SIDT1: variants seen among roughly 807,000 people sequenced by gnomAD.
SIDT1 encodes SID1 transmembrane family, member 1.
In SIDT1, 101 loss-of-function variants were observed where a neutral mutation model predicts 107.5. The ratio of observed to expected loss-of-function variants is 0.94; its 90% CI spans 0.80 to 1.11. The LOEUF (loss-of-function observed/expected upper bound fraction) is 1.11, where lower values mean the gene tolerates loss of function less well. SIDT1 is among the 50% of genes least tolerant of loss of function. The pLI is 0.00. For synonymous variants in SIDT1, 395 were observed against 398.2 expected (o/e 0.99, Z 0.10); for missense variants, 1,076 against 1,058.2 (o/e 1.02, Z -0.23).
chr3:113,568,008 T>C (rs944010524), intron 3 of SIDT1: 3 of 271,374 alleles, frequency 1.1e-5, no homozygotes, highest in Middle Eastern at 1.1e-3. Flanking sequence ...CTAAATACTT[T>C]TGTATTCCCA....
chr3:113,583,953 A>T (rs150927255), intron 7 of SIDT1, among the ~76,000 whole-genome samples: 1 of 152,194 alleles, frequency 6.6e-6, no homozygotes, highest in Non-Finnish European at 1.5e-5. Context: ...CCAAAATTAT[A>T]CCTTGAAAAA....
intron 3 of SIDT1, among the ~76,000 whole-genome samples, chr3:113,572,255 A>G (rs1467350498): frequency 1.3e-5 from 2 of 152,204 alleles, no homozygotes; most frequent in African/African-American, 4.8e-5. Context: ...TGAAATACAG[A>G]TATCTGGCAA....
chr3:113,539,211 T>C (rs1244782340), intron 1 of SIDT1, among the ~76,000 whole-genome samples: 1 of 152,246 alleles, frequency 6.6e-6, no homozygotes, highest in East Asian at 1.9e-4. Flanking sequence ...CTTAGCATAA[T>C]CATGAGCTTA....
chr3:113,620,192 A>ATATG (rs111631190), intron 21 of SIDT1, among the ~76,000 whole-genome samples: 5 of 144,554 alleles, frequency 3.5e-5, no homozygotes, highest in Admixed American at 2.8e-4. Context: ...CTTTTACTAA[A>ATATG]TGTGTGTGTG....
At chr3:113,551,645 T>C (rs1940246456) in intron 1 of SIDT1, among the ~76,000 whole-genome samples, 1 of 152,232 alleles carries the variant, frequency 6.6e-6, no homozygotes, top group Admixed American at 6.5e-5. Context: ...TTTTTTATTA[T>C]CGTTTTCCCC....
chr3:113,534,124 C>T (rs2107544798), intron 1 of SIDT1, among the ~76,000 whole-genome samples: 1 of 152,238 alleles, frequency 6.6e-6, no homozygotes, highest in Admixed American at 6.5e-5. Flanking sequence ...AGAGACTCCC[C>T]AGTGTACCAA....
intron 5 of SIDT1, among the ~76,000 whole-genome samples, chr3:113,580,993 G>C (rs1943285978): frequency 6.6e-6 from 1 of 152,198 alleles, no homozygotes; most frequent in Admixed American, 6.5e-5. Flanking sequence ...GGAAGACCAA[G>C]TTGTGGGCTC....
At chr3:113,559,623 A>T (rs956664464) in intron 1 of SIDT1, among the ~76,000 whole-genome samples, 50 of 151,786 alleles carry the variant, frequency 3.3e-4, no homozygotes, top group African/African-American at 1.2e-3. Flanking sequence ...TGTATTTTTT[A>T]AATAGAGACA....
intron 9 of SIDT1, among the ~76,000 whole-genome samples, chr3:113,588,139 T>A (rs1943876642): frequency 1.3e-5 from 2 of 152,232 alleles, no homozygotes; most frequent in Non-Finnish European, 2.9e-5. Context: ...GCTCTAAAGT[T>A]GTTATTTAGC....
chr3:113,600,597 A>G (rs952910439), intron 10 of SIDT1, among the ~76,000 whole-genome samples: 48 of 152,306 alleles, frequency 3.2e-4, no homozygotes, highest in African/African-American at 1.0e-3. Context: ...CAGCAGCAGT[A>G]GCAGCTGCAG....
At chr3:113,577,001 C>A in intron 4 of SIDT1, 34 bp downstream of exon 4, 1 of 1,600,112 alleles carries the variant, frequency 6.2e-7, no homozygotes, top group Non-Finnish European at 8.6e-7. Flanking sequence ...TATCAACATC[C>A]TACCTGTTGG....
chr3:113,581,526 G>A lies in SIDT1; in HGVS notation c.747+82G>A. 2.7e-6 allele frequency: 3 copies of A among 1,117,700 alleles called. No homozygotes were observed. In the South Asian group the frequency reaches 3.8e-5, roughly 14 times the overall value. The allele number at this position is 1,117,700 out of a possible 1,614,324, so 69.2% of individuals were successfully genotyped here. A position where few individuals can be genotyped will look rare whatever the true frequency, so the allele number is the denominator to read the frequency against. ...ACTTACTGGGCCAGCATCCAAAAGG[G>A]ATGGCCATCCATGATGTGCCTAGGA... On this transcript the variant is annotated intron_variant, in intron 6 of 24. Coordinates refer to ENST00000264852, the MANE Select transcript of SIDT1 (RefSeq NM_017699.3).
the SIDT1 span, among the ~76,000 whole-genome samples, chr3:113,635,775 G>A: frequency 4.4e-3 from 667 of 151,990 alleles, 14 homozygotes; most frequent in Admixed American, 0.03. Flanking sequence ...GCTGAGGCAG[G>A]GGAATTGCTT....
Position 113,603,900 on chromosome 3 carries a change from G to C in SIDT1, c.1264-60G>C, listed in dbSNP as rs575664634. ...TGAGACATTTGTTATGTTTGCCTTTGTATCTCATGCATAAAGAGCTGAGTA... is the reference window on the plus strand; with the variant it reads ...TGAGACATTTGTTATGTTTGCCTTTCTATCTCATGCATAAAGAGCTGAGTA... On this transcript the variant is annotated intron_variant, in intron 12 of 24. Coordinates refer to ENST00000264852, the MANE Select transcript of SIDT1 (RefSeq NM_017699.3). 19 of 1,084,808 alleles carry C rather than the reference G, an allele frequency of 1.8e-5. No individual in the cohort carries two copies. The East Asian group carries it at 4.4e-4, about 25-fold the overall frequency. 67.2% of individuals were successfully genotyped at this position (1,084,808 alleles called of 1,614,324 possible).
chr3:113,635,399 C>A, the SIDT1 span, among the ~76,000 whole-genome samples: 2 of 152,178 alleles, frequency 1.3e-5, no homozygotes, highest in Non-Finnish European at 2.9e-5. Flanking sequence ...TCTAAAAGTT[C>A]TCCAAAGCTG....
chr3:113,616,751 C>T (rs1022011953), intron 20 of SIDT1, among the ~76,000 whole-genome samples: 8 of 151,248 alleles, frequency 5.3e-5, no homozygotes, highest in African/African-American at 7.3e-5. Flanking sequence ...TGCAGTGGCG[C>T]GATCTTGGCT....
At chr3:113,588,632 G>A (rs1351594424) in intron 9 of SIDT1, 1 of 152,166 alleles carries the variant, frequency 6.6e-6, no homozygotes, top group Non-Finnish European at 1.5e-5. Context: ...CATTCAACAT[G>A]CGTTTATGAA....
intron 9 of SIDT1, among the ~76,000 whole-genome samples, chr3:113,589,520 C>T (rs1943984858): frequency 6.7e-6 from 1 of 149,022 alleles, no homozygotes; most frequent in South Asian, 2.1e-4. Flanking sequence ...CAAATTATAA[C>T]TTCTCTCCCT....
chr3:113,608,205 C>T lies in SIDT1; in HGVS notation c.1590C>T (p.Asp530=). The change falls in exon 16 of 25, where the codon GAC becomes GAT. Residue 530 remains aspartate, a synonymous_variant. Coordinates refer to ENST00000264852, the MANE Select transcript of SIDT1 (RefSeq NM_017699.3). The stretch of plus-strand genomic sequence containing the variant: ...ATCGGAGAGCCCTGGAAGCCAAGGA[C>T]ATCTTTGCTGTGGTGAGGAAAGAGT... ...ILHRRALEAK[D]IFAVEYGIPK... The T allele has an allele frequency of 6.3e-7, 1 of 1,597,592 alleles. No individual in the cohort carries two copies. The highest frequency in any genetic ancestry group is 1.7e-4 in the Middle Eastern group (1 of 5,972).
Sources: allele counts gnomAD v4.1 joint callset (sites outside exome capture counted in the v4.1 genomes callset), GRCh38; gene constraint gnomAD v4.1.1; transcripts MANE v1.5; gene names NCBI Gene and HGNC (gene_info 2026-07-23, HGNC 2026-07-21).